Variants in PABPC4L observed in about 807,000 individuals in gnomAD.
PABPC4L encodes the protein polyadenylate-binding protein 4-like.
For synonymous variants in PABPC4L, 169 were observed against 164.1 expected (o/e 1.03, Z -0.23); for missense variants, 452 against 451.4 (o/e 1.00, Z -0.01).
the PABPC4L span, among the ~76,000 whole-genome samples, chr4:133,999,410 C>T: frequency 6.6e-6 from 1 of 151,940 alleles, no homozygotes; most frequent in Non-Finnish European, 1.5e-5. Context: ...TTCCTTTTGT[C>T]GTTGTTGTTA....
the PABPC4L span, among the ~76,000 whole-genome samples, chr4:134,033,896 C>G: frequency 2.6e-5 from 4 of 151,908 alleles, no homozygotes; most frequent in African/African-American, 9.7e-5. Context: ...GCAAGTTATC[C>G]AGAAGATCTA....
the PABPC4L span, among the ~76,000 whole-genome samples, chr4:134,107,489 A>G: frequency 1.3e-5 from 2 of 151,762 alleles, no homozygotes; most frequent in East Asian, 1.9e-4. Context: ...GTAAAAACCA[A>G]TGTACTGTAT....
chr4:134,025,378 A>G, the PABPC4L span, among the ~76,000 whole-genome samples: 22,201 of 150,290 alleles, frequency 0.15, 1,937 homozygotes, highest in Non-Finnish European at 0.19. Flanking sequence ...ACAGGCCTAC[A>G]CTAGCTTTTG....
the PABPC4L span, among the ~76,000 whole-genome samples, chr4:134,130,546 C>T: frequency 6.6e-6 from 1 of 150,904 alleles, no homozygotes; most frequent in South Asian, 2.1e-4. Context: ...AAAAATTTGC[C>T]AAGTAAAAAA....
the PABPC4L span, among the ~76,000 whole-genome samples, chr4:133,992,616 T>C: frequency 6.6e-6 from 1 of 151,956 alleles, no homozygotes; most frequent in Admixed American, 6.6e-5. Flanking sequence ...GGGAAGGGGG[T>C]GTCCGCCCAG....
chr4:134,183,487 A>G, the PABPC4L span, among the ~76,000 whole-genome samples: 1 of 137,702 alleles, frequency 7.3e-6, no homozygotes, highest in African/African-American at 2.9e-5. Flanking sequence ...GAAGAGGGTA[A>G]AAAAAAAAAC....
chr4:134,186,126 G>T, the PABPC4L span, among the ~76,000 whole-genome samples: 1 of 152,146 alleles, frequency 6.6e-6, no homozygotes, highest in Admixed American at 6.6e-5. Flanking sequence ...GTAATTTACA[G>T]ATTCAATGCC....
chr4:134,151,081 C>A, the PABPC4L span, among the ~76,000 whole-genome samples: 1 of 152,004 alleles, frequency 6.6e-6, no homozygotes, highest in African/African-American at 2.4e-5. Context: ...GTAAAGTAGC[C>A]AGAAGTATAG....
the PABPC4L span, among the ~76,000 whole-genome samples, chr4:134,120,018 G>A: frequency 6.6e-6 from 1 of 151,668 alleles, no homozygotes; most frequent in African/African-American, 2.4e-5. Context: ...TGAATTTGGA[G>A]TGTTTTATAT....
the PABPC4L span, among the ~76,000 whole-genome samples, chr4:134,032,020 T>C: frequency 6.6e-6 from 1 of 151,862 alleles, no homozygotes; most frequent in East Asian, 1.9e-4. Context: ...ATATCTTATA[T>C]TTTAATTTAC....
At chr4:134,178,015 C>T in the PABPC4L span, among the ~76,000 whole-genome samples, 1 of 151,966 alleles carries the variant, frequency 6.6e-6, no homozygotes, top group Non-Finnish European at 1.5e-5. Context: ...GCAGGCATCC[C>T]CACCCATCCC....
chr4:133,964,764 G>T, the PABPC4L span, among the ~76,000 whole-genome samples: 1 of 152,026 alleles, frequency 6.6e-6, no homozygotes, highest in Non-Finnish European at 1.5e-5. Context: ...ACAAAATCCA[G>T]TGTTGCTTTA....
the PABPC4L span, among the ~76,000 whole-genome samples, chr4:134,121,230 T>A: frequency 6.6e-6 from 1 of 151,344 alleles, no homozygotes; most frequent in Admixed American, 6.6e-5. Flanking sequence ...TAAATTATAA[T>A]TATTTTGTAA....
chr4:134,043,957 T>C, the PABPC4L span, among the ~76,000 whole-genome samples: 3 of 151,934 alleles, frequency 2.0e-5, no homozygotes, highest in African/African-American at 7.3e-5. Flanking sequence ...TGTGTGTGTT[T>C]TGAGACACAT....
At chr4:134,098,729 A>T in the PABPC4L span, among the ~76,000 whole-genome samples, 1 of 151,712 alleles carries the variant, frequency 6.6e-6, no homozygotes. Context: ...AGACTACCCA[A>T]TGATTTAGAT....
chr4:134,088,108 C>G, the PABPC4L span, among the ~76,000 whole-genome samples: 1 of 152,012 alleles, frequency 6.6e-6, no homozygotes, highest in African/African-American at 2.4e-5. Context: ...CTTACCTCAC[C>G]GATCTCCCCT....
chr4:134,123,627 T>C, the PABPC4L span, among the ~76,000 whole-genome samples: 62 of 152,150 alleles, frequency 4.1e-4, no homozygotes, highest in African/African-American at 1.5e-3. Context: ...ATTCCTGTTA[T>C]ATGTTTAAAT....
chr4:134,000,917 T>C, the PABPC4L span, among the ~76,000 whole-genome samples: 1 of 152,160 alleles, frequency 6.6e-6, no homozygotes. Flanking sequence ...AGCTTTCTGA[T>C]GGCAGATTTT....
At chr4:134,067,318 T>C in the PABPC4L span, among the ~76,000 whole-genome samples, 1 of 152,160 alleles carries the variant, frequency 6.6e-6, no homozygotes, top group African/African-American at 2.4e-5. Context: ...CTTACGTACA[T>C]AGAGATGTTC....
Sources: allele counts gnomAD v4.1 joint callset (sites outside exome capture counted in the v4.1 genomes callset), GRCh38; gene constraint gnomAD v4.1.1; transcripts MANE v1.5; gene names NCBI Gene and HGNC (gene_info 2026-07-23, HGNC 2026-07-21).